Variants in AKAP6 observed in about 807,000 individuals in gnomAD.
AKAP6 encodes the protein A-kinase anchoring protein 6, also known as A-kinase anchor protein 6.
AKAP6 carries 58 observed loss-of-function variants against 188.5 expected under a neutral mutation model. The ratio of observed to expected loss-of-function variants is 0.31; its 90% CI spans 0.25 to 0.38. The LOEUF is 0.38. Ranked by LOEUF, AKAP6 falls within the 10% of genes least tolerant of loss-of-function variation. The pLI, the probability that AKAP6 is intolerant of heterozygous loss-of-function variation, is 1.00. For missense variants in AKAP6, 2,710 were observed against 2,740.0 expected (o/e 0.99, Z 0.24); for synonymous variants, 989 against 998.6 (o/e 0.99, Z 0.18).
At chr14:32,813,104 G>T (rs754003611) in intron 12 of AKAP6, among the ~76,000 whole-genome samples, 1 of 152,010 alleles carries the variant, frequency 6.6e-6, no homozygotes, top group African/African-American at 2.4e-5. Context: ...TCTGACCCAC[G>T]GGCTGTAAAT....
intron 11 of AKAP6, among the ~76,000 whole-genome samples, chr14:32,742,193 T>C (rs995690540): frequency 6.6e-6 from 1 of 152,060 alleles, no homozygotes; most frequent in Non-Finnish European, 1.5e-5. Context: ...AATGATCCTT[T>C]GAATTTCTGA....
intron 7 of AKAP6, among the ~76,000 whole-genome samples, chr14:32,648,491 TCTCA>T (rs1888074656): frequency 6.6e-6 from 1 of 152,098 alleles, no homozygotes; most frequent in African/African-American, 2.4e-5. Flanking sequence ...TTATTACACT[TCTCA>T]CTCTGTCATT....
chr14:32,521,723 G>A (rs1225395352), intron 2 of AKAP6, among the ~76,000 whole-genome samples: 1 of 152,142 alleles, frequency 6.6e-6, no homozygotes, highest in East Asian at 1.9e-4. Flanking sequence ...CCATGCTCAT[G>A]GTTAGGAAGA....
At chr14:32,574,986 G>T (rs919248808) in intron 4 of AKAP6, among the ~76,000 whole-genome samples, 1 of 152,090 alleles carries the variant, frequency 6.6e-6, no homozygotes, top group African/African-American at 2.4e-5. Flanking sequence ...ACATCTGAAG[G>T]GATCTATGGT....
intron 1 of AKAP6, among the ~76,000 whole-genome samples, chr14:32,430,345 T>C (rs1890175136): frequency 1.3e-5 from 2 of 152,192 alleles, no homozygotes. Context: ...CCAAATCATA[T>C]AAAACTGCAG....
At chr14:32,652,660 A>T (rs1441965413) in intron 7 of AKAP6, among the ~76,000 whole-genome samples, 4 of 152,204 alleles carry the variant, frequency 2.6e-5, no homozygotes, top group African/African-American at 9.6e-5. Flanking sequence ...TTTACTCTCC[A>T]TTCAAGCTAC....
chr14:32,759,551 G>C (rs755739825), intron 11 of AKAP6, among the ~76,000 whole-genome samples: 4 of 152,160 alleles, frequency 2.6e-5, no homozygotes, highest in Non-Finnish European at 5.9e-5. Flanking sequence ...GCTATAAAGA[G>C]ATACCTGAGA....
intron 2 of AKAP6, among the ~76,000 whole-genome samples, chr14:32,489,547 G>A (rs934257821): frequency 6.6e-6 from 1 of 152,012 alleles, no homozygotes; most frequent in African/African-American, 2.4e-5. Context: ...ATGTGTATAT[G>A]CAATGTTTTT....
intron 1 of AKAP6, among the ~76,000 whole-genome samples, chr14:32,366,786 T>G (rs977519401): frequency 3.9e-5 from 6 of 152,146 alleles, no homozygotes; most frequent in Non-Finnish European, 7.4e-5. Flanking sequence ...TCATTTATTT[T>G]TAGTATGTTT....
intron 1 of AKAP6, among the ~76,000 whole-genome samples, chr14:32,374,262 G>A (rs559092293): frequency 1.9e-4 from 29 of 152,136 alleles, no homozygotes; most frequent in Non-Finnish European, 4.0e-4. Flanking sequence ...AGCTCAACAC[G>A]GTAAGTGCTA....
rs113372281 is a variant in AKAP6 at position 32,818,576 on chromosome 14, A to G, written c.3589-2826A>G. 3.4e-3 allele frequency among the ~76,000 whole-genome samples: 519 copies of G among 151,916 alleles called. 2 individuals are homozygous for G. Among genetic ancestry groups the G allele is most frequent in the African/African-American group, 0.012 (483 of 41,386 alleles). ...TGATCTGCAGTTGGTTGAATTCATG[A>G]ATTTGGAACCCATGGATATGGAGGG... On this transcript the variant is annotated intron_variant, in intron 12 of 13. Coordinates refer to ENST00000280979, the MANE Select transcript of AKAP6 (RefSeq NM_004274.5).
In AKAP6 at chr14:32,835,288, C is replaced by G. The variant is rs1397056213; in HGVS notation, c.*5483C>G. On this transcript the variant is annotated 3_prime_UTR_variant, in exon 14 of 14. Transcript: ENST00000280979. ...TGTGTTTTTTTTTTCTTTTTACTTC[C>G]TAGATTTTATTGCATTCTCAACTTG... 6.6e-6 allele frequency: 1 copy of G among 151,722 alleles called. No homozygotes were observed. Among genetic ancestry groups the G allele is most frequent in the African/African-American group, 2.4e-5 (1 of 41,282 alleles). The allele number at this position is 151,722 out of a possible 1,614,324, so 9.4% of individuals were successfully genotyped here. A position where few individuals can be genotyped will look rare whatever the true frequency, so the allele number is the denominator to read the frequency against.
intron 11 of AKAP6, among the ~76,000 whole-genome samples, chr14:32,744,559 G>GC (rs2031815530): frequency 6.6e-6 from 1 of 152,056 alleles, no homozygotes; most frequent in African/African-American, 2.4e-5. Flanking sequence ...CTCGTGATCT[G>GC]CCCTCCTTGG....
chr14:32,764,933 CTTT>C (rs571680392), intron 11 of AKAP6, among the ~76,000 whole-genome samples: 10 of 124,668 alleles, frequency 8.0e-5, no homozygotes, highest in African/African-American at 1.6e-4. Context: ...TCAAGTGAAT[CTTT>C]TTTTTTTTTT....
intron 11 of AKAP6, among the ~76,000 whole-genome samples, chr14:32,754,926 TTCTC>T (rs527301762): frequency 6.6e-6 from 1 of 152,250 alleles, no homozygotes; most frequent in Non-Finnish European, 1.5e-5. Flanking sequence ...GCTTTCAATA[TTCTC>T]TCTTTGTCTT....
intron 5 of AKAP6, among the ~76,000 whole-genome samples, chr14:32,598,109 T>C (rs1367120932): frequency 6.6e-6 from 1 of 152,208 alleles, no homozygotes; most frequent in East Asian, 1.9e-4. Context: ...GATGAATGAA[T>C]GAATACATGA....
chr14:32,664,375 T>C (rs1445959451), intron 7 of AKAP6, among the ~76,000 whole-genome samples: 2 of 152,138 alleles, frequency 1.3e-5, no homozygotes, highest in African/African-American at 4.8e-5. Context: ...TGCTTGTGTG[T>C]GGCTTTGTCA....
chr14:32,478,150 C>A (rs761014396), intron 2 of AKAP6, among the ~76,000 whole-genome samples: 11 of 152,132 alleles, frequency 7.2e-5, no homozygotes, highest in South Asian at 4.1e-4. Context: ...ATGTGCTGAG[C>A]ATTTGCCTTG....
chr14:32,517,545 A>G (rs1185301328), intron 2 of AKAP6, among the ~76,000 whole-genome samples: 1 of 152,214 alleles, frequency 6.6e-6, no homozygotes, highest in Admixed American at 6.5e-5. Context: ...CCAGGAGATT[A>G]TATCCTGCTT....
Sources: allele counts gnomAD v4.1 joint callset (sites outside exome capture counted in the v4.1 genomes callset), GRCh38; gene constraint gnomAD v4.1.1; transcripts MANE v1.5; gene names NCBI Gene and HGNC (gene_info 2026-07-23, HGNC 2026-07-21).